C10orf90: variants seen among roughly 807,000 people sequenced by gnomAD.
C10orf90 encodes chromosome 10 open reading frame 90.
In C10orf90, 56 loss-of-function variants were observed where a neutral mutation model predicts 62.5. The ratio of observed to expected loss-of-function variants is 0.90; its 90% CI spans 0.72 to 1.12. The LOEUF (loss-of-function observed/expected upper bound fraction) is 1.12, where lower values mean the gene tolerates loss of function less well. C10orf90 is among the 50% of genes most tolerant of loss of function. C10orf90 has a pLI of 0.00. For synonymous variants in C10orf90, 386 were observed against 340.4 expected (o/e 1.13, Z -1.47); for missense variants, 970 against 880.4 (o/e 1.10, Z -1.29).
At chr10:126,656,729 G>A (rs1382199996) in intron 1 of C10orf90, among the ~76,000 whole-genome samples, 5 of 152,254 alleles carry the variant, frequency 3.3e-5, no homozygotes, top group East Asian at 1.9e-4. Flanking sequence ...GAGACTTTTC[G>A]GCTTGTGGAA....
chr10:126,592,561 T>G (rs1845002920), intron 2 of C10orf90, among the ~76,000 whole-genome samples: 1 of 152,190 alleles, frequency 6.6e-6, no homozygotes, highest in South Asian at 2.1e-4. Context: ...ATTAAAGACT[T>G]AAATGTAAAA....
intron 2 of C10orf90, among the ~76,000 whole-genome samples, chr10:126,571,866 A>G (rs1164736977): frequency 6.6e-6 from 1 of 152,116 alleles, no homozygotes; most frequent in Non-Finnish European, 1.5e-5. Context: ...ACACCTAACA[A>G]TGCAGGTAGT....
At chr10:126,603,871 A>G (rs945573714) in intron 2 of C10orf90, among the ~76,000 whole-genome samples, 1 of 152,196 alleles carries the variant, frequency 6.6e-6, no homozygotes, top group Admixed American at 6.5e-5. Flanking sequence ...GACGAGCCAT[A>G]TGCAGAGGGA....
intron 3 of C10orf90, among the ~76,000 whole-genome samples, chr10:126,510,281 G>A (rs1389693222): frequency 6.6e-6 from 1 of 152,054 alleles, no homozygotes; most frequent in African/African-American, 2.4e-5. Flanking sequence ...CCCTCTTCTG[G>A]GTCTCAGAAA....
rs1864585789 is a variant in C10orf90 at position 126,549,775 on chromosome 10, CA to C, written c.314-35837del. Among the ~76,000 whole-genome samples, 6 of 151,568 alleles carry C rather than the reference CA, an allele frequency of 4.0e-5. No homozygotes were observed. In the South Asian group the frequency reaches 1.2e-3, roughly 32 times the overall value. ...AAAAAAAAAAAATTTAAGAACAACCCAGATGTCCTTCAGTGGATGAATGGCT... is the reference window on the plus strand; with the variant it reads ...AAAAAAAAAAAATTTAAGAACAACCCGATGTCCTTCAGTGGATGAATGGCT... On this transcript the variant is annotated intron_variant, in intron 2 of 9. Coordinates refer to ENST00000488181, the MANE Select transcript of C10orf90 (RefSeq NM_001350921.2).
intron 2 of C10orf90, among the ~76,000 whole-genome samples, chr10:126,530,499 G>GA (rs914222939): frequency 8.6e-5 from 13 of 151,518 alleles, no homozygotes; most frequent in African/African-American, 2.2e-4. Context: ...CAAATTGCTT[G>GA]AAAAAAAATA....
intron 1 of C10orf90, among the ~76,000 whole-genome samples, chr10:126,665,369 C>T (rs1283118027): frequency 6.6e-6 from 1 of 152,158 alleles, no homozygotes; most frequent in East Asian, 1.9e-4. Context: ...AGGAAATGTT[C>T]GCTTTACCTC....
chr10:126,511,137 G>T (rs544951286), intron 3 of C10orf90, among the ~76,000 whole-genome samples: 1 of 152,296 alleles, frequency 6.6e-6, no homozygotes, highest in African/African-American at 2.4e-5. Flanking sequence ...CAGCCTAGGG[G>T]CATTTCATCT....
intron 2 of C10orf90, among the ~76,000 whole-genome samples, chr10:126,522,183 G>T (rs1390935443): frequency 6.6e-6 from 1 of 152,170 alleles, no homozygotes; most frequent in South Asian, 2.1e-4. Context: ...CAGGACAATC[G>T]CTTGAACCTG....
chr10:126,636,429 A>C (rs1845951824), intron 2 of C10orf90, among the ~76,000 whole-genome samples: 1 of 152,196 alleles, frequency 6.6e-6, no homozygotes, highest in African/African-American at 2.4e-5. Context: ...TTCCAAAAAA[A>C]AGATGCTGTA....
intron 2 of C10orf90, among the ~76,000 whole-genome samples, chr10:126,627,557 G>C (rs1297619483): frequency 6.8e-6 from 1 of 146,128 alleles, no homozygotes; most frequent in Non-Finnish European, 1.5e-5. Context: ...AGGTTAAAAG[G>C]AAAAAAAAAA....
chr10:126,443,829 T>A (rs1205191588), intron 7 of C10orf90, among the ~76,000 whole-genome samples: 1 of 152,098 alleles, frequency 6.6e-6, no homozygotes, highest in Non-Finnish European at 1.5e-5. Context: ...GCCACTATGA[T>A]CATGTGGGTT....
intron 4 of C10orf90, among the ~76,000 whole-genome samples, chr10:126,482,096 TC>T (rs1160481817): frequency 6.6e-6 from 1 of 152,230 alleles, no homozygotes; most frequent in Admixed American, 6.5e-5. Flanking sequence ...CTTTGCTGAT[TC>T]TAAGCATAAA....
chr10:126,486,113 T>TA (rs1414410399), intron 4 of C10orf90, among the ~76,000 whole-genome samples: 4 of 152,182 alleles, frequency 2.6e-5, no homozygotes, highest in African/African-American at 9.7e-5. Context: ...TAGTTTTGAA[T>TA]TTAATGTCAA....
chr10:126,625,129 A>G (rs944936279), intron 2 of C10orf90, among the ~76,000 whole-genome samples: 1 of 152,150 alleles, frequency 6.6e-6, no homozygotes, highest in African/African-American at 2.4e-5. Context: ...TCCTTCTTGG[A>G]AGTGGAGCAA....
intron 4 of C10orf90, among the ~76,000 whole-genome samples, chr10:126,487,921 T>G (rs983657285): frequency 6.6e-6 from 1 of 152,172 alleles, no homozygotes; most frequent in African/African-American, 2.4e-5. Context: ...TATTCTAAGA[T>G]TCTAACTTGC....
chr10:126,447,809 T>C (rs1013640632), intron 7 of C10orf90, among the ~76,000 whole-genome samples: 4 of 148,756 alleles, frequency 2.7e-5, no homozygotes, highest in African/African-American at 1.0e-4. Context: ...TAAATTTAGA[T>C]GATAGAAATC....
In C10orf90 at chr10:126,456,890, G is replaced by A. The variant is rs912453670; in HGVS notation, c.2188+2150C>T. ...CACGGGATTGACCACTGAGCCTCTA[G>A]AAAGTAACCAACCCTGTGGAAACCT... On this transcript the variant is annotated intron_variant, in intron 7 of 9. Coordinates refer to ENST00000488181, the MANE Select transcript of C10orf90 (RefSeq NM_001350921.2). This position sits in a 1 kb window ranked among gnomAD's most constrained non-coding sequence, Gnocchi z 4.9. Among the ~76,000 whole-genome samples the A allele has an allele frequency of 6.6e-6, 1 of 152,228 alleles. No homozygotes were observed. Among genetic ancestry groups the A allele is most frequent in the Non-Finnish European group, 1.5e-5 (1 of 68,034 alleles).
rs1176980885 is a variant in C10orf90 at position 126,537,906 on chromosome 10, G to A, written c.314-23967C>T. ...GGGGTAATCAAGTTAAAATGAGGTCGTTAGAGTGGGCCCTAACCCAATGTG... is the reference window on the plus strand; with the variant it reads ...GGGGTAATCAAGTTAAAATGAGGTCATTAGAGTGGGCCCTAACCCAATGTG... On this transcript the variant is annotated intron_variant, in intron 2 of 9. Transcript: ENST00000488181. Among the ~76,000 whole-genome samples, 8 of 152,150 alleles carry A rather than the reference G, an allele frequency of 5.3e-5. 1 individual carries two copies. Among genetic ancestry groups the A allele is most frequent in the South Asian group, 4.1e-4 (2 of 4,824 alleles).
Sources: allele counts gnomAD v4.1 joint callset (sites outside exome capture counted in the v4.1 genomes callset), GRCh38; gene constraint gnomAD v4.1.1; non-coding constraint Gnocchi (gnomAD v3.1); transcripts MANE v1.5; gene names NCBI Gene and HGNC (gene_info 2026-07-23, HGNC 2026-07-21).